TMTC2: variants seen among roughly 807,000 people sequenced by gnomAD.
TMTC2 encodes transmembrane O-mannosyltransferase targeting cadherins 2, also known as protein O-mannosyl-transferase TMTC2.
A neutral mutation model predicts 82.4 loss-of-function variants in TMTC2; 43 were observed. The observed-to-expected ratio is 0.52, with a 90% CI of 0.41 to 0.67. The LOEUF (loss-of-function observed/expected upper bound fraction) is 0.67. Among genes scored for constraint, TMTC2 ranks in the 30% least tolerant of loss-of-function variants. The pLI is 0.00. For missense variants in TMTC2, 919 were observed against 1,012.4 expected (o/e 0.91, Z 1.25); for synonymous variants, 408 against 381.9 (o/e 1.07, Z -0.80).
chr12:82,866,265 A>T (rs1487635773), intron 2 of TMTC2, among the ~76,000 whole-genome samples: 1 of 150,724 alleles, frequency 6.6e-6, no homozygotes, highest in African/African-American at 2.4e-5. Flanking sequence ...AAAAAAAAAC[A>T]AAAAACTTTC....
chr12:82,964,968 TGG>T lies in TMTC2; in HGVS notation c.1599-55_1599-54del, dbSNP rs1878120893. 24 of 1,198,074 alleles carry T rather than the reference TGG, an allele frequency of 2.0e-5. No homozygotes were observed. In the Admixed American group the frequency reaches 4.6e-4, roughly 23 times the overall value. 74.2% of individuals were successfully genotyped at this position (1,198,074 alleles called of 1,614,324 possible). A position where few individuals can be genotyped will look rare whatever the true frequency, so the allele number is the denominator to read the frequency against. On this transcript the variant is annotated intron_variant, in intron 4 of 11. Transcript: ENST00000321196. ...TTTTGGAATATAAAATAAAAATTTG[TGG>T]TTTTATATATAATAATACAGTCCTT...
chr12:82,924,293 A>G (rs1875570612), intron 3 of TMTC2, among the ~76,000 whole-genome samples: 1 of 152,216 alleles, frequency 6.6e-6, no homozygotes, highest in Admixed American at 6.5e-5. Context: ...TGAGGGTTTT[A>G]TTTTGATTGG....
chr12:82,816,564 T>C (rs1868743400), intron 1 of TMTC2, among the ~76,000 whole-genome samples: 1 of 152,052 alleles, frequency 6.6e-6, no homozygotes, highest in Non-Finnish European at 1.5e-5. Context: ...AGATAGAATA[T>C]GTGTTTGCTA....
At chr12:83,122,853 T>A (rs1019381785) in intron 11 of TMTC2, among the ~76,000 whole-genome samples, 28 of 152,216 alleles carry the variant, frequency 1.8e-4, no homozygotes, top group African/African-American at 6.5e-4. Flanking sequence ...TGCCATGATC[T>A]CTCACAGTTC....
intron 1 of TMTC2, among the ~76,000 whole-genome samples, chr12:82,827,642 ATCT>A (rs1009281547): frequency 2.0e-5 from 3 of 151,660 alleles, no homozygotes; most frequent in African/African-American, 7.2e-5. Context: ...AAGGATGAAC[ATCT>A]TCTTTCTTTT....
At chr12:83,031,394 C>T (rs763195844) in intron 9 of TMTC2, among the ~76,000 whole-genome samples, 1 of 152,142 alleles carries the variant, frequency 6.6e-6, no homozygotes, top group Non-Finnish European at 1.5e-5. Flanking sequence ...TGTCTCATTT[C>T]GTTTAGCCTT....
At chr12:82,796,478 A>G (rs1272081531) in intron 1 of TMTC2, among the ~76,000 whole-genome samples, 1 of 152,134 alleles carries the variant, frequency 6.6e-6, no homozygotes, top group East Asian at 1.9e-4. Context: ...TTTTACATGC[A>G]TTTTAACTTA....
chr12:82,932,325 C>T (rs147814922), intron 4 of TMTC2, among the ~76,000 whole-genome samples: 97 of 152,150 alleles, frequency 6.4e-4, no homozygotes, highest in African/African-American at 2.3e-3. Context: ...TGTTTTGTGT[C>T]GGCTTTCACA....
chr12:82,841,918 A>G lies in TMTC2; in HGVS notation c.84-15092A>G, dbSNP rs1870357782. Among the ~76,000 whole-genome samples the G allele has an allele frequency of 3.3e-5, 5 of 152,230 alleles. No individual in the cohort carries two copies. The South Asian group carries it at 1.0e-3, about 31-fold the overall frequency. Reference sequence around the variant, plus strand: ...GTTAAAAGAAGACTTTCTTTTTGAAATGCAGAAATTAAAAGAATATGGTAC... The same window carrying G: ...GTTAAAAGAAGACTTTCTTTTTGAAGTGCAGAAATTAAAAGAATATGGTAC... On this transcript the variant is annotated intron_variant, in intron 1 of 11. Transcript: ENST00000321196.
rs371584090 is a variant in TMTC2, at chr12:83,126,678, G to T, written c.2332-5532G>T. Among the ~76,000 whole-genome samples the T allele has an allele frequency of 4.6e-5, 7 of 151,922 alleles. No individual in the cohort carries two copies. The East Asian group carries it at 5.8e-4, about 13-fold the overall frequency. ...ATTGGATGTGAGTATGTATATGGGT[G>T]GGGGGGCAAGGAATCCAAGATAATT... On this transcript the variant is annotated intron_variant, in intron 11 of 11. Transcript: ENST00000321196.
chr12:83,081,068 T>C (rs556219987), intron 11 of TMTC2, among the ~76,000 whole-genome samples: 13 of 152,358 alleles, frequency 8.5e-5, no homozygotes, highest in African/African-American at 3.1e-4. Flanking sequence ...ACCAAAAGTC[T>C]TAGCCTTTAA....
intron 8 of TMTC2, among the ~76,000 whole-genome samples, chr12:83,012,043 T>A (rs1880486515): frequency 6.6e-6 from 1 of 152,144 alleles, no homozygotes. Context: ...TCACTGTCCT[T>A]CCCTAAGTTA....
At chr12:82,812,439 G>A (rs1282240291) in intron 1 of TMTC2, among the ~76,000 whole-genome samples, 3 of 152,080 alleles carry the variant, frequency 2.0e-5, no homozygotes, top group Non-Finnish European at 1.5e-5. Flanking sequence ...CCATTTAATG[G>A]TAATGGAAAG....
chr12:82,913,186 A>G (rs1182636252), intron 3 of TMTC2, among the ~76,000 whole-genome samples: 1 of 152,132 alleles, frequency 6.6e-6, no homozygotes. Context: ...TTCTTTTGCC[A>G]TTACACTTTA....
chr12:82,740,750 A>G (rs1198919981), intron 1 of TMTC2, among the ~76,000 whole-genome samples: 1 of 152,142 alleles, frequency 6.6e-6, no homozygotes, highest in Non-Finnish European at 1.5e-5. Context: ...AGGATTCACA[A>G]TGGCTCCATA....
chr12:83,125,487 T>C (rs919205903), intron 11 of TMTC2, among the ~76,000 whole-genome samples: 3 of 152,208 alleles, frequency 2.0e-5, no homozygotes, highest in African/African-American at 7.2e-5. Flanking sequence ...TATAACCTTA[T>C]GAAAATGTTT....
intron 4 of TMTC2, among the ~76,000 whole-genome samples, chr12:82,959,925 C>A (rs1877830678): frequency 6.6e-6 from 1 of 151,830 alleles, no homozygotes; most frequent in Non-Finnish European, 1.5e-5. Context: ...ACTATGCATC[C>A]AACAGAGGTC....
At chr12:82,699,307 T>C (rs1461900446) in intron 1 of TMTC2, among the ~76,000 whole-genome samples, 1 of 152,234 alleles carries the variant, frequency 6.6e-6, no homozygotes, top group Non-Finnish European at 1.5e-5. Flanking sequence ...TTCTGTTGCT[T>C]TTCCTATGTT....
chr12:82,991,573 T>A (rs1879405231), intron 8 of TMTC2, among the ~76,000 whole-genome samples: 1 of 152,302 alleles, frequency 6.6e-6, no homozygotes, highest in African/African-American at 2.4e-5. Context: ...GTAGCCTCCA[T>A]GTTTAAATAT....
Sources: gnomAD v4.1 joint callset for allele counts (sites outside exome capture counted in the v4.1 genomes callset) on GRCh38, gnomAD v4.1.1 for gene constraint, MANE v1.5 for transcripts, NCBI Gene and HGNC (gene_info 2026-07-23, HGNC 2026-07-21) for gene names.